Variants in CAP2 observed in about 807,000 individuals in gnomAD.
The protein encoded by CAP2 is cyclase associated actin cytoskeleton regulatory protein 2.
Under a neutral mutation model 57.7 loss-of-function variants are expected in CAP2, and 24 were observed. The ratio of observed to expected loss-of-function variants is 0.42; its 90% CI spans 0.30 to 0.58. The LOEUF (loss-of-function observed/expected upper bound fraction) is 0.58, where lower values mean the gene tolerates loss of function less well. CAP2 is among the 20% of genes least tolerant of loss of function. The probability of loss-of-function intolerance (pLI) is 0.22; values close to 1 mark genes in which losing one functional copy is unlikely to be tolerated. For missense variants in CAP2, 501 were observed against 590.3 expected, an observed-to-expected ratio of 0.85 and a Z score of 1.57; for synonymous variants, 194 against 207.2, an observed-to-expected ratio of 0.94 and a Z score of 0.55.
chr6:17,411,304 G>T (rs1030728813), intron 1 of CAP2, among the ~76,000 whole-genome samples: 1 of 152,180 alleles, frequency 6.6e-6, no homozygotes, highest in African/African-American at 2.4e-5. Context: ...TTTCTCTTGA[G>T]TAAAATAGAG....
At chr6:17,541,299 T>C in intron 9 of CAP2, 151 bp downstream of exon 9, 2 of 609,570 alleles carry the variant, frequency 3.3e-6, no homozygotes, top group Non-Finnish European at 5.6e-6. Context: ...ACCTGTGATA[T>C]TTTGTTACAT....
intron 3 of CAP2, among the ~76,000 whole-genome samples, chr6:17,454,681 T>A (rs1760508508): frequency 6.6e-6 from 1 of 152,218 alleles, no homozygotes. Context: ...AGGTAAGTGG[T>A]AGTAGCTCTG....
intron 3 of CAP2, among the ~76,000 whole-genome samples, chr6:17,451,642 T>A (rs1760406482): frequency 6.6e-6 from 1 of 152,060 alleles, no homozygotes; most frequent in South Asian, 2.1e-4. Flanking sequence ...CTCGAGTAGC[T>A]GGGATTACAG....
chr6:17,495,493 C>T (rs959730022), intron 4 of CAP2, among the ~76,000 whole-genome samples: 5 of 152,176 alleles, frequency 3.3e-5, no homozygotes, highest in Admixed American at 6.5e-5. Context: ...TTGTACATCA[C>T]GTTTCATGCT....
At chr6:17,520,268 T>G (rs1357058623) in intron 7 of CAP2, among the ~76,000 whole-genome samples, 1 of 151,860 alleles carries the variant, frequency 6.6e-6, no homozygotes, top group Non-Finnish European at 1.5e-5. Context: ...CCAACATGCC[T>G]GGCTAATTTT....
In CAP2 at chr6:17,529,071, A is replaced by T. The variant is rs141057936; in HGVS notation, c.637-10198A>T. Among the ~76,000 whole-genome samples, 464 of 152,242 alleles carry T rather than the reference A, an allele frequency of 3.0e-3. 2 individuals are homozygous for T. Among genetic ancestry groups the T allele is most frequent in the African/African-American group, 0.01 (419 of 41,546 alleles). On this transcript the variant is annotated intron_variant, in intron 7 of 12. Transcript: ENST00000229922. ...TCTCTACAAAAAAAAAATTTTTTTA[A>T]TTCCAATAAATGATAAAAATAAGAG...
At chr6:17,415,502 C>T (rs528406736) in intron 1 of CAP2, among the ~76,000 whole-genome samples, 10 of 152,360 alleles carry the variant, frequency 6.6e-5, no homozygotes, top group African/African-American at 2.2e-4. Context: ...GAAAATCTGG[C>T]TTTCAGCCTG....
At chr6:17,538,914 CT>C (rs1241056207) in intron 7 of CAP2, among the ~76,000 whole-genome samples, 1 of 152,230 alleles carries the variant, frequency 6.6e-6, no homozygotes, top group Non-Finnish European at 1.5e-5. Context: ...AATTGGATCA[CT>C]TTTTTCTTGT....
At chr6:17,540,740 C>T (rs575102286) in intron 8 of CAP2, among the ~76,000 whole-genome samples, 82 of 152,082 alleles carry the variant, frequency 5.4e-4, no homozygotes, top group Middle Eastern at 6.8e-3. Context: ...GGTGACAGAG[C>T]GAGACTCCAT....
chr6:17,431,161 G>A (rs780122134), intron 3 of CAP2, among the ~76,000 whole-genome samples: 5 of 152,028 alleles, frequency 3.3e-5, no homozygotes, highest in Non-Finnish European at 7.4e-5. Flanking sequence ...AGGGTGGAGG[G>A]CAGAAGAAGG....
intron 1 of CAP2, among the ~76,000 whole-genome samples, chr6:17,412,569 A>G (rs1427244869): frequency 6.6e-6 from 1 of 152,162 alleles, no homozygotes; most frequent in Non-Finnish European, 1.5e-5. Flanking sequence ...CTAGCCTTTT[A>G]TCTTCAGACA....
chr6:17,466,678 T>C (rs714399), intron 4 of CAP2, among the ~76,000 whole-genome samples: 98,070 of 152,094 alleles, frequency 0.64, 33,305 homozygotes, highest in African/African-American at 0.86. Flanking sequence ...ATGCTGGTGC[T>C]GCTGATTTCT....
chr6:17,529,657 T>TAC (rs1762595466), intron 7 of CAP2, among the ~76,000 whole-genome samples: 2 of 126,120 alleles, frequency 1.6e-5, no homozygotes, highest in Non-Finnish European at 3.2e-5. Context: ...AAAAAATATA[T>TAC]ATATATATAT....
chr6:17,445,306 C>T lies in CAP2; in HGVS notation c.223-17690C>T, dbSNP rs145419362. 1.6e-3 allele frequency among the ~76,000 whole-genome samples: 247 copies of T among 152,302 alleles called. 1 individual carries two copies. The East Asian group carries it at 0.028, about 17-fold the overall frequency. ...ATTTTTAGTAGAGAGGGGGTTTCAC[C>T]ACGTTGGCCAGGCTGGTCTTGAACT... On this transcript the variant is annotated intron_variant, in intron 3 of 12. Transcript: ENST00000229922.
At chr6:17,463,201 C>G (rs1248454121) in intron 4 of CAP2, 128 bp downstream of exon 4, 1 of 659,586 alleles carries the variant, frequency 1.5e-6, no homozygotes, top group East Asian at 2.8e-5. Flanking sequence ...CGTGTATGTT[C>G]TGTCTCTAAT....
chr6:17,405,304 C>G (rs886478116), intron 1 of CAP2, among the ~76,000 whole-genome samples: 3 of 152,120 alleles, frequency 2.0e-5, no homozygotes, highest in African/African-American at 7.2e-5. Context: ...ATCGTGTGAA[C>G]CCAGGAGGCA....
intron 4 of CAP2, among the ~76,000 whole-genome samples, chr6:17,503,961 C>G (rs1478498545): frequency 6.6e-6 from 1 of 152,182 alleles, no homozygotes; most frequent in Non-Finnish European, 1.5e-5. Flanking sequence ...TTTTGTTTTT[C>G]CCCTCCTTCA....
At chr6:17,548,239 C>A (rs1444795507) in intron 11 of CAP2, among the ~76,000 whole-genome samples, 1 of 151,298 alleles carries the variant, frequency 6.6e-6, no homozygotes, top group Admixed American at 6.6e-5. Context: ...ATGGTGCAGG[C>A]GCCTGTAGTC....
At chr6:17,450,625 C>A (rs1393189103) in intron 3 of CAP2, among the ~76,000 whole-genome samples, 1 of 152,090 alleles carries the variant, frequency 6.6e-6, no homozygotes, top group Non-Finnish European at 1.5e-5. Flanking sequence ...GAAGAATAAA[C>A]CTCATTTATT....
Sources: allele counts gnomAD v4.1 joint callset (sites outside exome capture counted in the v4.1 genomes callset), GRCh38; gene constraint gnomAD v4.1.1; transcripts MANE v1.5; gene names NCBI Gene and HGNC (gene_info 2026-07-23, HGNC 2026-07-21).